Variants in SYNPO observed in about 807,000 individuals in gnomAD.
SYNPO encodes the protein synaptopodin.
In SYNPO, 19 loss-of-function variants were observed where a neutral mutation model predicts 49.5. That is an observed-to-expected ratio of 0.38 (90% confidence interval 0.27 to 0.56). The LOEUF is 0.56. Among genes scored for constraint, SYNPO ranks in the 20% least tolerant of loss-of-function variants. The pLI is 0.68. For missense variants in SYNPO, 1,131 were observed against 1,248.3 expected (o/e 0.91, Z 1.42); for synonymous variants, 536 against 548.0 (o/e 0.98, Z 0.31).
At chr5:150,590,002 G>A in the SYNPO span, among the ~76,000 whole-genome samples, 5 of 152,366 alleles carry the variant, frequency 3.3e-5, no homozygotes, top group South Asian at 2.1e-4. Context: ...ACAGGCTGCC[G>A]ACAGCTGCAA....
intron 1 of SYNPO, among the ~76,000 whole-genome samples, chr5:150,605,001 A>T (rs115564494): frequency 0.011 from 1,639 of 152,234 alleles, 27 homozygotes; most frequent in African/African-American, 0.037. Context: ...GTGTTTCCTC[A>T]TCTGTAAAGT....
chr5:150,651,516 G>A (rs950180860), intron 2 of SYNPO: 34 of 1,001,060 alleles, frequency 3.4e-5, no homozygotes, highest in African/African-American at 5.2e-5. Context: ...GACAGGTGGC[G>A]TTAGATGGCT....
intron 2 of SYNPO, among the ~76,000 whole-genome samples, chr5:150,627,102 AC>A (rs1256665587): frequency 9.9e-5 from 15 of 151,900 alleles, no homozygotes; most frequent in Non-Finnish European, 2.2e-4. Flanking sequence ...CCTGGGAGGC[AC>A]CTTTTCCTTC....
the SYNPO span, among the ~76,000 whole-genome samples, chr5:150,594,670 C>G: frequency 6.6e-6 from 1 of 152,238 alleles, no homozygotes; most frequent in South Asian, 2.1e-4. Flanking sequence ...CTCTCATCAT[C>G]ATCAAGTCTT....
chr5:150,588,690 C>T, the SYNPO span, among the ~76,000 whole-genome samples: 1 of 151,744 alleles, frequency 6.6e-6, no homozygotes, highest in Non-Finnish European at 1.5e-5. Flanking sequence ...GAAGAGGAGG[C>T]TGGGGCGGTG....
rs1758342585 is a variant in SYNPO, at chr5:150,650,627, G to A, written c.2028+324G>A. The A allele has an allele frequency of 2.8e-6, 4 of 1,445,896 alleles. No homozygotes were observed. The African/African-American group carries it at 5.7e-5, about 21-fold the overall frequency. 89.6% of individuals were successfully genotyped at this position (1,445,896 alleles called of 1,614,324 possible). A position where few individuals can be genotyped will look rare whatever the true frequency, so the allele number is the denominator to read the frequency against. ...CTGATGCGGTAGAGGGGCATCCTCTGGCCTTTGTGAGCTGTAGGGATGCAG... is the reference window on the plus strand; with the variant it reads ...CTGATGCGGTAGAGGGGCATCCTCTAGCCTTTGTGAGCTGTAGGGATGCAG... On this transcript the variant is annotated intron_variant, in intron 2 of 2. Transcript: ENST00000307662.
chr5:150,597,743 A>G (rs1756449843), upstream of SYNPO, among the ~76,000 whole-genome samples: 1 of 152,092 alleles, frequency 6.6e-6, no homozygotes, highest in Non-Finnish European at 1.5e-5. Context: ...GGTTCAAGTG[A>G]TTCTCCTGCC....
chr5:150,623,959 C>A (rs1025068516), intron 2 of SYNPO, among the ~76,000 whole-genome samples: 1 of 152,200 alleles, frequency 6.6e-6, no homozygotes, highest in Non-Finnish European at 1.5e-5. Context: ...CCCACCAGCT[C>A]GTGCCCTCAA....
At chr5:150,618,599 C>G (rs1389339058) in exon 2 of SYNPO, 3 of 1,551,408 alleles carry the variant, frequency 1.9e-6, no homozygotes. Context: ...GGGGACACCG[C>G]AGCTGCCCAA....
chr5:150,589,248 G>C, the SYNPO span, among the ~76,000 whole-genome samples: 1 of 152,054 alleles, frequency 6.6e-6, no homozygotes, highest in Non-Finnish European at 1.5e-5. Flanking sequence ...ATTTTCAGTA[G>C]AGACGGGGTT....
intron 2 of SYNPO, among the ~76,000 whole-genome samples, chr5:150,634,120 A>G (rs1318879250): frequency 6.6e-6 from 1 of 152,182 alleles, no homozygotes; most frequent in Non-Finnish European, 1.5e-5. Flanking sequence ...TCTAAAGCCC[A>G]GTGGGTTCCC....
At chr5:150,630,373 T>G (rs1757497825) in intron 2 of SYNPO, among the ~76,000 whole-genome samples, 1 of 152,222 alleles carries the variant, frequency 6.6e-6, no homozygotes, top group African/African-American at 2.4e-5. Flanking sequence ...CTGAGCCTCC[T>G]GTCCTGCCTT....
chr5:150,596,973 T>C (rs1756437094), upstream of SYNPO, among the ~76,000 whole-genome samples: 1 of 152,188 alleles, frequency 6.6e-6, no homozygotes, highest in African/African-American at 2.4e-5. Flanking sequence ...GGAACCTAGA[T>C]GGTAGGACTG....
intron 1 of SYNPO, among the ~76,000 whole-genome samples, chr5:150,609,476 G>C (rs1296906664): frequency 1.3e-5 from 2 of 152,044 alleles, no homozygotes; most frequent in Non-Finnish European, 2.9e-5. Context: ...TGTATTTTTA[G>C]TAGAAATGGG....
exon 2 of SYNPO, chr5:150,618,580 A>G: frequency 1.9e-6 from 3 of 1,550,722 alleles, no homozygotes; most frequent in South Asian, 2.4e-5. Flanking sequence ...CTGCCTGCAG[A>G]GTCACCCAGG....
chr5:150,633,525 T>C (rs946832824), intron 2 of SYNPO, among the ~76,000 whole-genome samples: 3 of 152,306 alleles, frequency 2.0e-5, no homozygotes, highest in African/African-American at 7.2e-5. Context: ...CTCAGAGTTT[T>C]CATAAACCTG....
chr5:150,650,090 G>C lies in SYNPO; in HGVS notation c.1815G>C (p.Gly605=). The C allele has an allele frequency of 6.2e-7, 1 of 1,613,602 alleles. No homozygotes were observed. The highest frequency in any genetic ancestry group is 8.5e-7 in the Non-Finnish European group (1 of 1,179,964). ...SLDLVPNLPK[G]ALPPSPALPR... is the part of the protein sequence containing the mutation. ...ACCTGGTGCCCAACCTGCCCAAGGG[G>C]GCTCTCCCTCCATCTCCTGCCCTGC... is the stretch of plus-strand genomic sequence containing the variant. Residue 605 remains glycine, a synonymous_variant, in exon 2 of 3, where the codon GGG becomes GGC. Coordinates refer to ENST00000307662, the MANE Select transcript of SYNPO (RefSeq NM_007286.6).
At chr5:150,592,187 G>T in the SYNPO span, among the ~76,000 whole-genome samples, 3 of 151,902 alleles carry the variant, frequency 2.0e-5, no homozygotes, top group African/African-American at 7.3e-5. Flanking sequence ...AAAAGAAGAA[G>T]AAGAAGAAGA....
At chr5:150,594,302 C>T in the SYNPO span, among the ~76,000 whole-genome samples, 2 of 152,310 alleles carry the variant, frequency 1.3e-5, no homozygotes, top group Non-Finnish European at 2.9e-5. Context: ...AGAGCTGGGG[C>T]TTGGCTGCTA....
Sources: allele counts gnomAD v4.1 joint callset (sites outside exome capture counted in the v4.1 genomes callset), GRCh38; gene constraint gnomAD v4.1.1; transcripts MANE v1.5; gene names NCBI Gene and HGNC (gene_info 2026-07-23, HGNC 2026-07-21).